The following SKP2 variants were observed in gnomAD, a reference collection of about 807,000 sequenced individuals.
The protein encoded by SKP2 is S-phase kinase-associated protein 2.
Under a neutral mutation model 51.8 loss-of-function variants are expected in SKP2, and 16 were observed. The ratio of observed to expected loss-of-function variants is 0.31; its 90% CI spans 0.21 to 0.47. SKP2 has a LOEUF of 0.47. Among genes scored for constraint, SKP2 ranks in the 20% least tolerant of loss-of-function variants. SKP2 has a pLI of 1.00. For synonymous variants in SKP2, 176 were observed against 198.6 expected, an observed-to-expected ratio of 0.89 and a Z score of 0.96; for missense variants, 377 against 505.3, an observed-to-expected ratio of 0.75 and a Z score of 2.43.
intron 3 of SKP2, among the ~76,000 whole-genome samples, chr5:36,164,213 G>A (rs1745215595): frequency 6.6e-6 from 1 of 152,176 alleles, no homozygotes; most frequent in Non-Finnish European, 1.5e-5. Flanking sequence ...CTGAGCCTCA[G>A]TCTCCCCATA....
intron 6 of SKP2, 89 bp from the exon 7 acceptor site, chr5:36,171,514 G>A: frequency 8.4e-7 from 1 of 1,185,142 alleles, no homozygotes. Context: ...AGGAATCCAT[G>A]GTTTTATATT....
rs140617388 is a variant in SKP2 at position 36,165,704 on chromosome 5, C to T, written c.393-815C>T. Among the ~76,000 whole-genome samples the T allele has an allele frequency of 7.4e-3, 1,130 of 152,252 alleles. 8 individuals carry two copies. The highest frequency in any genetic ancestry group is 0.012 in the Non-Finnish European group (817 of 68,000). ...TTATTTCATAACTCTGGCCAGTGGTCCACTTATTTCAAGCACTATTAAAAA... is the reference window on the plus strand; with the variant it reads ...TTATTTCATAACTCTGGCCAGTGGTTCACTTATTTCAAGCACTATTAAAAA... On this transcript the variant is annotated intron_variant, in intron 3 of 9. Coordinates refer to ENST00000274255, the MANE Select transcript of SKP2 (RefSeq NM_005983.4).
At chr5:36,181,164 G>C (rs569727759) in intron 9 of SKP2, among the ~76,000 whole-genome samples, 1 of 152,142 alleles carries the variant, frequency 6.6e-6, no homozygotes, top group Non-Finnish European at 1.5e-5. Flanking sequence ...ATGGTAATAC[G>C]TAGGGAGGTA....
chr5:36,178,926 A>C (rs1745718269), intron 9 of SKP2, among the ~76,000 whole-genome samples: 1 of 152,132 alleles, frequency 6.6e-6, no homozygotes, highest in African/African-American at 2.4e-5. Context: ...CCTGCATAAT[A>C]ATGGCATGGT....
At chr5:36,164,734 T>C (rs2111971710) in intron 3 of SKP2, among the ~76,000 whole-genome samples, 1 of 152,362 alleles carries the variant, frequency 6.6e-6, no homozygotes, top group South Asian at 2.1e-4. Flanking sequence ...AACCCCACTT[T>C]GGTTTTCTTT....
chr5:36,164,969 C>T (rs560734753), intron 3 of SKP2, among the ~76,000 whole-genome samples: 190 of 152,220 alleles, frequency 1.2e-3, no homozygotes, highest in African/African-American at 4.0e-3. Context: ...ACAGTATTAT[C>T]GACTCTAGTT....
At chr5:36,160,892 C>T (rs568173305) in intron 2 of SKP2, among the ~76,000 whole-genome samples, 16 of 152,314 alleles carry the variant, frequency 1.1e-4, no homozygotes, top group African/African-American at 3.8e-4. Context: ...CTGCCTTCAG[C>T]TTTCTACCCC....
chr5:36,152,746 C>G (rs764418256), intron 1 of SKP2, 25 bp from the exon 2 acceptor site: 2 of 1,605,384 alleles, frequency 1.2e-6, no homozygotes, highest in Non-Finnish European at 1.7e-6. Context: ...TCGAAAGGAA[C>G]CGGGGGTATT....
chr5:36,183,744 G>T lies in SKP2; in HGVS notation c.*1713G>T. 8 of 1,453,006 alleles carry T rather than the reference G, an allele frequency of 5.5e-6. No homozygotes were observed. Among genetic ancestry groups the T allele is most frequent in the Non-Finnish European group, 7.2e-6 (8 of 1,105,164 alleles). 90.0% of individuals were successfully genotyped at this position (1,453,006 alleles called of 1,614,324 possible). A position where few individuals can be genotyped will look rare whatever the true frequency, so the allele number is the denominator to read the frequency against. On this transcript the variant is annotated 3_prime_UTR_variant, in exon 10 of 10. Transcript: ENST00000274255. ...AGTGCCTTTATCTGCTTAGACCTAA[G>T]GAAGATTTTAAAGTTGGGTTGCACA...
In SKP2 at chr5:36,182,254, C is replaced by G. The variant is rs779620556; in HGVS notation, c.*223C>G. 20 of 1,303,888 alleles carry G rather than the reference C, an allele frequency of 1.5e-5. No homozygotes were observed. The highest frequency in any genetic ancestry group is 1.8e-5 in the Non-Finnish European group (18 of 1,026,918). The allele number at this position is 1,303,888 out of a possible 1,614,324, so 80.8% of individuals were successfully genotyped here. ...TGCTCTTAAGAGCCAAAGTTGTAGG[C>G]CTTTTGAAATTTTAGGAGAGTGAGC... On this transcript the variant is annotated 3_prime_UTR_variant, in exon 10 of 10. Transcript: ENST00000274255.
At position 36,169,217 on chromosome 5, in the gene SKP2, G is replaced by A. The variant is rs530890424; in HGVS notation, c.671+770G>A. Among the ~76,000 whole-genome samples the A allele has an allele frequency of 2.3e-4, 35 of 152,276 alleles. 1 individual carries two copies. In the South Asian group the frequency reaches 6.8e-3, roughly 30 times the overall value. ...CCCAGCACTTTGGGAGGCTAAGGTGGGCAGATCACCTGAGGTTGGGAGTTT... is the reference window on the plus strand; with the variant it reads ...CCCAGCACTTTGGGAGGCTAAGGTGAGCAGATCACCTGAGGTTGGGAGTTT... On this transcript the variant is annotated intron_variant, in intron 5 of 9. Coordinates refer to ENST00000274255, the MANE Select transcript of SKP2 (RefSeq NM_005983.4).
chr5:36,188,486 T>C (rs184514113), downstream of SKP2, among the ~76,000 whole-genome samples: 1,321 of 152,356 alleles, frequency 8.7e-3, 27 homozygotes, highest in African/African-American at 0.03. Flanking sequence ...CCTTCACTTA[T>C]GAAGCTTAGT....
intron 7 of SKP2, chr5:36,193,105 A>G (rs1746077567): frequency 6.6e-6 from 1 of 151,894 alleles, no homozygotes; most frequent in African/African-American, 2.4e-5. Context: ...TTACCTATTA[A>G]TATGTTACAT....
At chr5:36,185,763 A>C (rs1745948330), downstream of SKP2, among the ~76,000 whole-genome samples, 1 of 152,142 alleles carries the variant, frequency 6.6e-6, no homozygotes, top group African/African-American at 2.4e-5. Context: ...TATGAACTTT[A>C]AAGTAGTTTT....
chr5:36,189,052 T>C (rs1745981228), downstream of SKP2, among the ~76,000 whole-genome samples: 1 of 152,250 alleles, frequency 6.6e-6, no homozygotes, highest in Non-Finnish European at 1.5e-5. Flanking sequence ...CATGCAGTTC[T>C]TGTGCCATGG....
At chr5:36,179,167 AG>A (rs1196841849) in intron 9 of SKP2, among the ~76,000 whole-genome samples, 1 of 152,188 alleles carries the variant, frequency 6.6e-6, no homozygotes. Context: ...TTGTGTAAAT[AG>A]TACACTGATT....
At chr5:36,172,118 T>C (rs1348959621) in intron 7 of SKP2, among the ~76,000 whole-genome samples, 1 of 152,238 alleles carries the variant, frequency 6.6e-6, no homozygotes, top group African/African-American at 2.4e-5. Context: ...CATTTGTCAA[T>C]GTCTGGAGAC....
intron 3 of SKP2, 45 bp from the exon 4 acceptor site, chr5:36,166,474 T>C: frequency 1.3e-6 from 2 of 1,590,658 alleles, no homozygotes; most frequent in South Asian, 2.2e-5. Context: ...GCTTCCAGCA[T>C]TTAGTGTGAC....
chr5:36,181,310 A>G (rs1478477979), intron 9 of SKP2, among the ~76,000 whole-genome samples: 4 of 152,216 alleles, frequency 2.6e-5, no homozygotes, highest in Admixed American at 6.5e-5. Flanking sequence ...CTTGTTGACT[A>G]TGAACCATTA....
Sources: gnomAD v4.1 joint callset for allele counts (sites outside exome capture counted in the v4.1 genomes callset) on GRCh38, gnomAD v4.1.1 for gene constraint, MANE v1.5 for transcripts, NCBI Gene and HGNC (gene_info 2026-07-23, HGNC 2026-07-21) for gene names.